Variants in PTPRT observed in about 807,000 individuals in gnomAD.
PTPRT encodes the protein protein tyrosine phosphatase receptor type T.
In PTPRT, 56 loss-of-function variants were observed where a neutral mutation model predicts 176.8. That is an observed-to-expected ratio of 0.32 (90% CI 0.26 to 0.40). The LOEUF (loss-of-function observed/expected upper bound fraction) is 0.40. PTPRT is among the 10% of genes least tolerant of loss of function. The probability of loss-of-function intolerance (pLI) is 1.00; values close to 1 mark genes in which losing one functional copy is unlikely to be tolerated. For synonymous variants in PTPRT, 783 were observed against 739.0 expected (o/e 1.06, Z -0.96); for missense variants, 1,540 against 1,908.2 (o/e 0.81, Z 3.60).
chr20:42,938,013 AAT>A (rs1413708384), intron 1 of PTPRT, among the ~76,000 whole-genome samples: 5 of 152,226 alleles, frequency 3.3e-5, no homozygotes, highest in Admixed American at 6.5e-5. Context: ...ATATGAAATA[AAT>A]ATGTGTTAAA....
chr20:43,064,137 C>G (rs952460502), intron 1 of PTPRT, among the ~76,000 whole-genome samples: 2 of 152,082 alleles, frequency 1.3e-5, no homozygotes, highest in Non-Finnish European at 2.9e-5. Flanking sequence ...TCCCAGGATC[C>G]CTTGCAGTTA....
intron 5 of PTPRT, among the ~76,000 whole-genome samples, chr20:42,768,872 T>A (rs925419947): frequency 1.3e-5 from 2 of 152,158 alleles, no homozygotes; most frequent in Non-Finnish European, 2.9e-5. Context: ...CTCTTTAACA[T>A]CCTCCCACTG....
chr20:42,878,087 T>C (rs1291265557), intron 2 of PTPRT, among the ~76,000 whole-genome samples: 1 of 152,158 alleles, frequency 6.6e-6, no homozygotes, highest in Non-Finnish European at 1.5e-5. Context: ...CAGAAATATA[T>C]ACATATGAAA....
At chr20:42,087,217 A>G (rs1984058470) in intron 27 of PTPRT, among the ~76,000 whole-genome samples, 1 of 151,026 alleles carries the variant, frequency 6.6e-6, no homozygotes, top group Non-Finnish European at 1.5e-5. Context: ...ACCTAGTATA[A>G]AATCATTATA....
chr20:42,639,439 G>A (rs560087723), intron 7 of PTPRT, among the ~76,000 whole-genome samples: 122 of 152,208 alleles, frequency 8.0e-4, no homozygotes, highest in African/African-American at 2.8e-3. Flanking sequence ...GCCTTTGCAT[G>A]CAGCCTCTGT....
At chr20:42,727,385 T>C (rs1447671939) in intron 6 of PTPRT, among the ~76,000 whole-genome samples, 1 of 152,200 alleles carries the variant, frequency 6.6e-6, no homozygotes, top group Non-Finnish European at 1.5e-5. Context: ...ACTGCCAAGA[T>C]ACAATAGCTA....
intron 1 of PTPRT, among the ~76,000 whole-genome samples, chr20:43,018,520 A>C (rs986060067): frequency 3.9e-5 from 6 of 152,210 alleles, no homozygotes; most frequent in African/African-American, 1.4e-4. Flanking sequence ...TTTAAAATTG[A>C]GAGTTTTCGA....
At chr20:42,051,109 C>A in the PTPRT span, among the ~76,000 whole-genome samples, 1 of 152,174 alleles carries the variant, frequency 6.6e-6, no homozygotes, top group Admixed American at 6.5e-5. Context: ...TCAGCAGCAC[C>A]ATGGAGACCA....
chr20:42,661,398 T>C (rs1041592685), intron 7 of PTPRT, among the ~76,000 whole-genome samples: 2 of 152,150 alleles, frequency 1.3e-5, no homozygotes, highest in African/African-American at 4.8e-5. Flanking sequence ...GCAAAAAATA[T>C]ATATTTAATT....
intron 1 of PTPRT, among the ~76,000 whole-genome samples, chr20:43,117,435 C>T (rs1437493123): frequency 6.6e-6 from 1 of 152,096 alleles, no homozygotes; most frequent in Non-Finnish European, 1.5e-5. Context: ...ATCTTATTTT[C>T]CTGTTCCAAG....
intron 7 of PTPRT, among the ~76,000 whole-genome samples, chr20:42,618,924 A>C (rs1374761516): frequency 1.5e-4 from 23 of 151,124 alleles, no homozygotes; most frequent in Non-Finnish European, 2.4e-4. Context: ...TTAATTGGAG[A>C]ATTTAGTCCA....
Position 42,215,534 on chromosome 20 carries a change from G to A in PTPRT, c.2343-16146C>T, listed in dbSNP as rs188820094. 1.9e-3 allele frequency among the ~76,000 whole-genome samples: 286 copies of A among 152,034 alleles called. 2 individuals are homozygous for A. Among genetic ancestry groups the A allele is most frequent in the African/African-American group, 6.4e-3 (266 of 41,428 alleles). ...TCATTTTTAATTTTATGTTTGATCT[G>A]CTTCCCAAGATGAGCACTCTAGGGA... On this transcript the variant is annotated intron_variant, in intron 15 of 30. Coordinates refer to ENST00000373187, the MANE Select transcript of PTPRT (RefSeq NM_007050.6).
At chr20:42,310,919 C>A (rs907572714) in intron 12 of PTPRT, among the ~76,000 whole-genome samples, 1 of 152,164 alleles carries the variant, frequency 6.6e-6, no homozygotes, top group African/African-American at 2.4e-5. Flanking sequence ...CCTGCAAGAA[C>A]CCTGAGCAAC....
chr20:42,213,700 G>A (rs568582250), intron 15 of PTPRT, among the ~76,000 whole-genome samples: 4 of 152,262 alleles, frequency 2.6e-5, no homozygotes, highest in South Asian at 2.1e-4. Context: ...CAAAGGTGGC[G>A]ATGGGAGTGA....
intron 7 of PTPRT, among the ~76,000 whole-genome samples, chr20:42,634,878 AC>A (rs2074559524): frequency 6.6e-6 from 1 of 152,174 alleles, no homozygotes; most frequent in South Asian, 2.1e-4. Flanking sequence ...TGATTATAAA[AC>A]AAACATTAAA....
chr20:43,142,624 T>C (rs2014051778), intron 1 of PTPRT, among the ~76,000 whole-genome samples: 1 of 152,154 alleles, frequency 6.6e-6, no homozygotes, highest in Non-Finnish European at 1.5e-5. Context: ...ACAAGAGCTA[T>C]AGCTACAATT....
chr20:43,084,531 C>G (rs752103692), intron 1 of PTPRT, among the ~76,000 whole-genome samples: 2 of 152,102 alleles, frequency 1.3e-5, no homozygotes, highest in African/African-American at 4.8e-5. Context: ...TGGGGGAAAC[C>G]GCCCCCATGA....
intron 12 of PTPRT, among the ~76,000 whole-genome samples, chr20:42,303,701 G>A (rs1314314245): frequency 6.6e-6 from 1 of 152,124 alleles, no homozygotes; most frequent in Non-Finnish European, 1.5e-5. Context: ...CGTGGATGTG[G>A]GAAGAAGCGT....
In PTPRT at chr20:42,086,202, G is replaced by T. The variant is rs536050754; in HGVS notation, c.3847-349C>A. Among the ~76,000 whole-genome samples the T allele has an allele frequency of 4.1e-4, 63 of 152,258 alleles. 1 individual carries two copies. The highest frequency in any genetic ancestry group is 1.2e-3 in the African/African-American group (49 of 41,552). On this transcript the variant is annotated intron_variant, in intron 27 of 30. Transcript: ENST00000373187. ...GATCCACCTGTCCCAGCCTCCCAGA[G>T]TGCTAGGATTATAGGTGTGAGCCAC... is the stretch of plus-strand genomic sequence containing the variant.
Sources: gnomAD v4.1 joint callset for allele counts (sites outside exome capture counted in the v4.1 genomes callset) on GRCh38, gnomAD v4.1.1 for gene constraint, MANE v1.5 for transcripts, NCBI Gene and HGNC (gene_info 2026-07-23, HGNC 2026-07-21) for gene names.